Variants in AMOTL1 observed in about 807,000 individuals in gnomAD.
AMOTL1 encodes the protein angiomotin like 1, also known as angiomotin-like protein 1.
A neutral mutation model predicts 102.9 loss-of-function variants in AMOTL1; 45 were observed. The ratio of observed to expected loss-of-function variants is 0.44; its 90% CI spans 0.34 to 0.56. The LOEUF (loss-of-function observed/expected upper bound fraction) is 0.56, where lower values mean the gene tolerates loss of function less well. Ranked by LOEUF, AMOTL1 falls within the 20% of genes least tolerant of loss-of-function variation. AMOTL1 has a pLI of 0.01. For missense variants in AMOTL1, 1,114 were observed against 1,225.6 expected, an observed-to-expected ratio of 0.91 and a Z score of 1.36; for synonymous variants, 481 against 484.7, an observed-to-expected ratio of 0.99 and a Z score of 0.10.
intron 2 of AMOTL1, among the ~76,000 whole-genome samples, chr11:94,729,226 C>T (rs1257577899): frequency 3.9e-5 from 6 of 152,116 alleles, no homozygotes; most frequent in Non-Finnish European, 8.8e-5. Flanking sequence ...GTTCAGATAC[C>T]GAATTCACTA....
chr11:94,707,214 GTCTCTC>G (rs56290112), intron 1 of AMOTL1, among the ~76,000 whole-genome samples: 1,396 of 132,230 alleles, frequency 0.011, 14 homozygotes, highest in Middle Eastern at 0.025. Context: ...TATACATGAG[GTCTCTC>G]TCTCTCTCTC....
At chr11:94,826,793 C>T (rs1481397468) in intron 4 of AMOTL1, among the ~76,000 whole-genome samples, 1 of 152,196 alleles carries the variant, frequency 6.6e-6, no homozygotes, top group Non-Finnish European at 1.5e-5. Context: ...CAAACCATAT[C>T]CATAGCATGC....
intron 6 of AMOTL1, among the ~76,000 whole-genome samples, chr11:94,840,490 A>G (rs1452828323): frequency 1.3e-5 from 2 of 151,992 alleles, no homozygotes; most frequent in South Asian, 2.1e-4. Context: ...AGTTAAAAGA[A>G]GGGAGAGAAT....
In AMOTL1 at chr11:94,826,345, C is replaced by G. The variant is rs116637988; in HGVS notation, c.1414-3705C>G. Among the ~76,000 whole-genome samples the G allele has an allele frequency of 1.9e-3, 293 of 152,274 alleles. 1 individual carries two copies. Among genetic ancestry groups the G allele is most frequent in the African/African-American group, 6.8e-3 (284 of 41,570 alleles). Reference sequence around the variant, plus strand: ...TTTAACTTCCTACATTTACTCATAACTCTGTCCTCTGTAATCATACTTTTT... The same window carrying G: ...TTTAACTTCCTACATTTACTCATAAGTCTGTCCTCTGTAATCATACTTTTT... On this transcript the variant is annotated intron_variant, in intron 4 of 12. Transcript: ENST00000433060.
chr11:94,854,152 C>T, intron 8 of AMOTL1, 70 bp downstream of exon 8: 1 of 1,451,414 alleles, frequency 6.9e-7, no homozygotes, highest in Non-Finnish European at 9.1e-7. Flanking sequence ...GATGTTCTAC[C>T]ATGGGCCAGA....
chr11:94,762,412 G>C (rs1300688287), intron 3 of AMOTL1, among the ~76,000 whole-genome samples: 4 of 152,210 alleles, frequency 2.6e-5, no homozygotes, highest in Admixed American at 2.6e-4. Flanking sequence ...TGAAGGTAGA[G>C]GGGGTGGTTG....
At chr11:94,747,406 G>A (rs1383877777) in intron 3 of AMOTL1, among the ~76,000 whole-genome samples, 3 of 152,154 alleles carry the variant, frequency 2.0e-5, no homozygotes, top group African/African-American at 7.2e-5. Context: ...AGCCACCAGG[G>A]CTAACTCCCC....
In AMOTL1 at chr11:94,799,753, T is replaced by TGCC; in HGVS notation, c.564_566dup (p.Pro189dup). The TGCC allele has an allele frequency of 6.2e-7, 1 of 1,611,138 alleles. No individual in the cohort carries two copies. Among genetic ancestry groups the TGCC allele is most frequent in the African/African-American group, 1.3e-5 (1 of 74,934 alleles). ...CAGCCTCAGCAGAACAACGAGGAAC[T>TGCC]GCCCACTTACGAGGAGGCCAAAGCA... On this transcript the variant is annotated inframe_insertion, in exon 3 of 13. Coordinates refer to ENST00000433060, the MANE Select transcript of AMOTL1 (RefSeq NM_130847.3). The surrounding 1 kb of genome is among the most constrained non-coding windows in gnomAD (Gnocchi z 4.5).
In AMOTL1 at chr11:94,729,910, A is replaced by T. The variant is rs545989359; in HGVS notation, c.85+855A>T. Among the ~76,000 whole-genome samples the T allele has an allele frequency of 1.5e-3, 234 of 152,298 alleles. 3 individuals carry two copies. The highest frequency in any genetic ancestry group is 5.6e-3 in the African/African-American group (232 of 41,578). Reference sequence around the variant, plus strand: ...ATACTCTCTGATGTGCCCACCTCTAAAACAGGGTAACTTATATGGCAACAA... The same window carrying T: ...ATACTCTCTGATGTGCCCACCTCTATAACAGGGTAACTTATATGGCAACAA... On this transcript the variant is annotated intron_variant, in intron 2 of 4. Coordinates refer to the AMOTL1 transcript ENST00000299004.
chr11:94,864,717 A>T lies in AMOTL1; in HGVS notation c.2136-18A>T, dbSNP rs749028542. 3 of 1,611,294 alleles carry T rather than the reference A, an allele frequency of 1.9e-6. No individual in the cohort carries two copies. The highest frequency in any genetic ancestry group is 1.7e-6 in the Non-Finnish European group (2 of 1,178,360). On this transcript the variant is annotated intron_variant, in intron 9 of 12. Coordinates refer to ENST00000433060, the MANE Select transcript of AMOTL1 (RefSeq NM_130847.3). ...AAGAAGGTTTCCTATGATCAAACGC[A>T]TATCCTTGTGTTGCCAGGGACACCA...
rs540111546 is a variant in AMOTL1 at position 94,806,725 on chromosome 11, C to T, written c.1121+6414C>T. ...AAGTTCAGGTTACTTTCTCAGGAAA[C>T]CTAACAATTCCAGCTGTAATGTATT... On this transcript the variant is annotated intron_variant, in intron 3 of 12. Coordinates refer to ENST00000433060, the MANE Select transcript of AMOTL1 (RefSeq NM_130847.3). Among the ~76,000 whole-genome samples the T allele has an allele frequency of 3.3e-5, 5 of 152,270 alleles. No individual in the cohort carries two copies. In the South Asian group the frequency reaches 1.0e-3, roughly 32 times the overall value.
intron 4 of AMOTL1, among the ~76,000 whole-genome samples, chr11:94,824,610 G>C (rs1951930026): frequency 6.6e-6 from 1 of 152,198 alleles, no homozygotes; most frequent in Non-Finnish European, 1.5e-5. Flanking sequence ...CCTAGTCCCA[G>C]ATCTTCCCTC....
rs879058134 is a variant in AMOTL1, at chr11:94,851,010, G to C, written c.1794+751G>C. ...TGTTTCATCAGATTTCAAACACAAG[G>C]ATAAAGCAGCTGAAGAGGAAGATGA... On this transcript the variant is annotated intron_variant, in intron 7 of 12. Transcript: ENST00000433060. Among the ~76,000 whole-genome samples the C allele has an allele frequency of 3.9e-5, 6 of 152,212 alleles. No individual in the cohort carries two copies. The South Asian group carries it at 1.2e-3, about 32-fold the overall frequency.
intron 2 of AMOTL1, among the ~76,000 whole-genome samples, chr11:94,740,688 G>A (rs1412507343): frequency 1.3e-5 from 2 of 152,020 alleles, no homozygotes; most frequent in African/African-American, 4.8e-5. Flanking sequence ...GGGAAAGTTG[G>A]CGCGCGCCTG....
chr11:94,802,595 G>A (rs1565358721), intron 3 of AMOTL1, among the ~76,000 whole-genome samples: 1 of 152,198 alleles, frequency 6.6e-6, no homozygotes, highest in Non-Finnish European at 1.5e-5. Flanking sequence ...AAGAAGAAAT[G>A]TGTGAGGGAT....
At chr11:94,788,915 G>T (rs1951237183) in intron 1 of AMOTL1, among the ~76,000 whole-genome samples, 1 of 152,174 alleles carries the variant, frequency 6.6e-6, no homozygotes, top group South Asian at 2.1e-4. Context: ...AGGTGTCGGG[G>T]TCTTGATTTC....
rs573427542 is a variant in AMOTL1, at chr11:94,758,973, A to T, written c.136+17985A>T. On this transcript the variant is annotated intron_variant, in intron 3 of 4. Coordinates refer to the AMOTL1 transcript ENST00000299004. The stretch of plus-strand genomic sequence containing the variant: ...AGGGCATATATATACATAACACTTT[A>T]AAAAAAACACTCTGCCTCATTCTTA... 9.4e-4 allele frequency among the ~76,000 whole-genome samples: 143 copies of T among 152,164 alleles called. No individual in the cohort carries two copies. The Middle Eastern group carries it at 0.01, about 11-fold the overall frequency.
chr11:94,858,880 T>C (rs1164502140), intron 8 of AMOTL1, among the ~76,000 whole-genome samples: 1 of 152,250 alleles, frequency 6.6e-6, no homozygotes, highest in Non-Finnish European at 1.5e-5. Flanking sequence ...TTTTCTCTTA[T>C]TGACACAGAT....
rs138451165 is a variant in AMOTL1, at chr11:94,756,865, G to A, written c.136+15877G>A. ...ACCTCACATATAACTTGGCCAATACGTGGCATTGTGGGACCATTAGACCTC... is the reference window on the plus strand; with the variant it reads ...ACCTCACATATAACTTGGCCAATACATGGCATTGTGGGACCATTAGACCTC... On this transcript the variant is annotated intron_variant, in intron 3 of 4. Coordinates refer to the AMOTL1 transcript ENST00000299004. Among the ~76,000 whole-genome samples the A allele has an allele frequency of 3.1e-3, 477 of 152,240 alleles. 1 individual carries two copies. The highest frequency in any genetic ancestry group is 0.012 in the South Asian group (56 of 4,830).
Sources: allele counts gnomAD v4.1 joint callset (sites outside exome capture counted in the v4.1 genomes callset), GRCh38; gene constraint gnomAD v4.1.1; non-coding constraint Gnocchi (gnomAD v3.1); transcripts MANE v1.5; gene names NCBI Gene and HGNC (gene_info 2026-07-23, HGNC 2026-07-21).